NDST4: variants seen among roughly 807,000 people sequenced by gnomAD.
NDST4 encodes N-deacetylase and N-sulfotransferase 4, also known as N-heparan sulfate sulfotransferase 4.
In NDST4, 63 loss-of-function variants were observed where a neutral mutation model predicts 100.8. The observed-to-expected ratio is 0.62, with a 90% CI of 0.51 to 0.77. The LOEUF is 0.77. Among genes scored for constraint, NDST4 ranks in the 30% least tolerant of loss-of-function variants. NDST4 has a pLI of 0.00. For synonymous variants in NDST4, 377 were observed against 361.8 expected (o/e 1.04, Z -0.48); for missense variants, 943 against 1,018.4 (o/e 0.93, Z 1.01).
At chr4:114,925,780 T>C (rs185967778) in intron 6 of NDST4, among the ~76,000 whole-genome samples, 7 of 152,260 alleles carry the variant, frequency 4.6e-5, no homozygotes, top group Non-Finnish European at 8.8e-5. Context: ...ACTGCTATTT[T>C]AGAGCATTCT....
chr4:115,095,752 T>C (rs1729606048), intron 1 of NDST4, among the ~76,000 whole-genome samples: 1 of 152,162 alleles, frequency 6.6e-6, no homozygotes, highest in Non-Finnish European at 1.5e-5. Flanking sequence ...TCCAACACTA[T>C]AGAGGTTTTA....
chr4:114,866,706 G>C (rs1724033730), intron 7 of NDST4, among the ~76,000 whole-genome samples: 1 of 152,134 alleles, frequency 6.6e-6, no homozygotes, highest in Non-Finnish European at 1.5e-5. Context: ...TGTGTGGTAA[G>C]TGCAGTAATA....
chr4:114,970,680 A>C, intron 3 of NDST4, 96 bp from the exon 4 acceptor site: 1 of 1,034,788 alleles, frequency 9.7e-7, no homozygotes, highest in Non-Finnish European at 1.4e-6. Flanking sequence ...CATGCTGCTG[A>C]TACATATATC....
chr4:114,856,507 A>G (rs1257821171), intron 7 of NDST4, among the ~76,000 whole-genome samples: 1 of 152,182 alleles, frequency 6.6e-6, no homozygotes, highest in Non-Finnish European at 1.5e-5. Flanking sequence ...GTTTTCTCTA[A>G]TTATGATTCT....
At chr4:114,973,945 A>G (rs1726572172) in intron 3 of NDST4, among the ~76,000 whole-genome samples, 1 of 151,888 alleles carries the variant, frequency 6.6e-6, no homozygotes, top group South Asian at 2.1e-4. Flanking sequence ...CTGTGGAATG[A>G]TAAACATTGA....
intron 7 of NDST4, among the ~76,000 whole-genome samples, chr4:114,867,664 G>GCAAAAAAAAAAAAAAAAAAAAAAAAAAAA (rs1724061002): frequency 7.7e-5 from 2 of 26,080 alleles, no homozygotes; most frequent in African/African-American, 9.9e-5. Flanking sequence ...AAAAAAAAAA[G>GCAAAAAAAAAAAAAAAAAAAAAAAAAAAA]CAAAAAAAAA....
intron 4 of NDST4, among the ~76,000 whole-genome samples, chr4:114,961,304 G>A (rs1726257451): frequency 6.6e-6 from 1 of 151,668 alleles, no homozygotes; most frequent in South Asian, 2.1e-4. Flanking sequence ...TTGAAAAAAA[G>A]CGTATTAAAT....
rs572626768 is a variant in NDST4 at position 115,108,079 on chromosome 4, C to G, written c.-247+5365G>C. Among the ~76,000 whole-genome samples, 583 of 152,138 alleles carry G rather than the reference C, an allele frequency of 3.8e-3. 3 individuals are homozygous for G. The highest frequency in any genetic ancestry group is 4.6e-3 in the South Asian group (22 of 4,824). On this transcript the variant is annotated intron_variant, in intron 1 of 13. Coordinates refer to ENST00000264363, the MANE Select transcript of NDST4 (RefSeq NM_022569.3). ...GGGAATCTCAATTGAATTGACATAA[C>G]TATTAGTGAAAGATTGATTGAGAAA...
chr4:115,076,567 T>C lies in NDST4; in HGVS notation c.470A>G (p.Tyr157Cys). ...ATGAAAACCGATTATACTAACACTG[T>C]ATTCCACACAGTATTTTTCTAAAAG... ...RELLEKYCVE[Y>C]SVSIIGFHKA... is the part of the protein sequence containing the mutation. Residue 157 changes from tyrosine (Y) to cysteine (C), a missense_variant, in exon 2 of 14, where the codon TAC (tyrosine) becomes TGC (cysteine). Around this residue, in one of 2 missense-constraint regions of NDST4, gnomAD observed 417 missense variants for 384.2 expected, o/e 1.09. Coordinates refer to ENST00000264363, the MANE Select transcript of NDST4 (RefSeq NM_022569.3). The C allele has an allele frequency of 6.2e-7, 1 of 1,614,012 alleles. No individual in the cohort carries two copies. The highest frequency in any genetic ancestry group is 2.2e-5 in the East Asian group (1 of 44,816).
intron 4 of NDST4, among the ~76,000 whole-genome samples, chr4:114,942,050 T>G (rs1052626767): frequency 1.3e-5 from 2 of 152,248 alleles, no homozygotes; most frequent in African/African-American, 4.8e-5. Context: ...ATAGTAAATA[T>G]GTATTTTTCT....
At chr4:114,959,991 C>T (rs1015814518) in intron 4 of NDST4, among the ~76,000 whole-genome samples, 2 of 152,028 alleles carry the variant, frequency 1.3e-5, no homozygotes, top group African/African-American at 4.8e-5. Flanking sequence ...GATATATCAT[C>T]ATAAAAATTT....
chr4:114,861,353 G>T (rs1156343667), intron 7 of NDST4, among the ~76,000 whole-genome samples: 2 of 152,122 alleles, frequency 1.3e-5, no homozygotes, highest in East Asian at 3.8e-4. Context: ...TGTGGTTGTT[G>T]ACAGCATTAT....
intron 1 of NDST4, among the ~76,000 whole-genome samples, chr4:115,082,270 CTGTTA>C (rs761514852): frequency 3.3e-5 from 5 of 152,046 alleles, no homozygotes; most frequent in Non-Finnish European, 5.9e-5. Context: ...TTTTATATAT[CTGTTA>C]TAAGATTGCC....
chr4:115,043,075 C>T (rs1291354256), intron 2 of NDST4, among the ~76,000 whole-genome samples: 1 of 151,926 alleles, frequency 6.6e-6, no homozygotes, highest in African/African-American at 2.4e-5. Context: ...ATGCTGCTTA[C>T]ATATGAAAAA....
chr4:115,071,792 T>G (rs565942058), intron 2 of NDST4, among the ~76,000 whole-genome samples: 2 of 152,072 alleles, frequency 1.3e-5, no homozygotes, highest in African/African-American at 2.4e-5. Context: ...TTTTGGCACA[T>G]AATTGAAATT....
At chr4:115,058,045 G>C (rs563777219) in intron 2 of NDST4, among the ~76,000 whole-genome samples, 1 of 152,054 alleles carries the variant, frequency 6.6e-6, no homozygotes, top group Admixed American at 6.6e-5. Flanking sequence ...AATGCAAAAT[G>C]GCTTTGAATT....
chr4:115,071,049 G>T (rs1339442361), intron 2 of NDST4, among the ~76,000 whole-genome samples: 1 of 151,938 alleles, frequency 6.6e-6, no homozygotes, highest in Non-Finnish European at 1.5e-5. Flanking sequence ...AGGTTGTAAT[G>T]AGCTGAGTTT....
Position 114,900,737 on chromosome 4 carries a change from A to G in NDST4, c.1537-29787T>C, listed in dbSNP as rs534141909. Among the ~76,000 whole-genome samples, 6 of 152,254 alleles carry G rather than the reference A, an allele frequency of 3.9e-5. No homozygotes were observed. The East Asian group carries it at 5.8e-4, about 15-fold the overall frequency. The stretch of plus-strand genomic sequence containing the variant: ...ATTACCTAAAGATGCATTTCTCACA[A>G]TGTATCCCCGTCATTGTTATACATG... On this transcript the variant is annotated intron_variant, in intron 6 of 13. Coordinates refer to ENST00000264363, the MANE Select transcript of NDST4 (RefSeq NM_022569.3).
Position 115,076,681 on chromosome 4 carries a change from G to A in NDST4, c.356C>T (p.Pro119Leu). The A allele has an allele frequency of 6.2e-7, 1 of 1,613,870 alleles. No homozygotes were observed. The highest frequency in any genetic ancestry group is 8.5e-7 in the Non-Finnish European group (1 of 1,179,908). ...TTTCCCTTTGCCATTATCTGTAAGA[G>A]GAGGTATATCTCCCTTTCCAGGGGC... Reference protein sequence around the residue: ...VIAPGKGDIPPLTDNGKGKYT... With the variant: ...VIAPGKGDIPLLTDNGKGKYT... Residue 119 changes from proline (P) to leucine (L), a missense_variant, in exon 2 of 14, where the codon CCT becomes CTT. By Grantham distance (98) the Pro-to-Leu change is moderately conservative. Around this residue, in one of 2 missense-constraint regions of NDST4, gnomAD observed 417 missense variants for 384.2 expected, o/e 1.09. Transcript: ENST00000264363.
Sources: gnomAD v4.1 joint callset for allele counts (sites outside exome capture counted in the v4.1 genomes callset) on GRCh38, gnomAD v4.1.1 for gene constraint, gnomAD v4.1.1 regional missense constraint, MANE v1.5 for transcripts, NCBI Gene and HGNC (gene_info 2026-07-23, HGNC 2026-07-21) for gene names.